Variants in SND1 observed in about 807,000 individuals in gnomAD.
SND1 encodes staphylococcal nuclease and tudor domain containing 1.
A neutral mutation model predicts 121.7 loss-of-function variants in SND1; 38 were observed. That is an observed-to-expected ratio of 0.31 (90% confidence interval 0.24 to 0.41). The LOEUF (loss-of-function observed/expected upper bound fraction) is 0.41. Among genes scored for constraint, SND1 ranks in the 10% least tolerant of loss-of-function variants. SND1 has a pLI of 1.00. For missense variants in SND1, 868 were observed against 1,184.6 expected, an observed-to-expected ratio of 0.73 and a Z score of 3.92; for synonymous variants, 401 against 447.4, an observed-to-expected ratio of 0.90 and a Z score of 1.31.
intron 16 of SND1, chr7:127,998,809 C>G (rs1239473509): frequency 1.3e-5 from 2 of 152,254 alleles, no homozygotes; most frequent in African/African-American, 4.8e-5. Flanking sequence ...CTTCCTCTAT[C>G]AGCTTTTAAC....
At chr7:127,874,354 A>T (rs1027232003) in intron 12 of SND1, among the ~76,000 whole-genome samples, 1 of 152,204 alleles carries the variant, frequency 6.6e-6, no homozygotes, top group Non-Finnish European at 1.5e-5. Context: ...TTTCAAACAC[A>T]TATTGAAAGA....
intron 11 of SND1, among the ~76,000 whole-genome samples, chr7:127,815,721 A>G (rs1472013126): frequency 6.6e-6 from 1 of 151,954 alleles, no homozygotes; most frequent in Admixed American, 6.5e-5. Flanking sequence ...CTACACCTTG[A>G]TTTTCAACTT....
At chr7:128,059,520 C>T (rs1399566268) in intron 16 of SND1, among the ~76,000 whole-genome samples, 3 of 152,218 alleles carry the variant, frequency 2.0e-5, no homozygotes, top group African/African-American at 7.2e-5. Context: ...TATACATGCA[C>T]GTTCTCTCAA....
intron 16 of SND1, among the ~76,000 whole-genome samples, chr7:128,067,071 T>C (rs940635552): frequency 1.6e-4 from 24 of 152,290 alleles, no homozygotes; most frequent in African/African-American, 5.5e-4. Flanking sequence ...CTGTTGCTTT[T>C]CATCTCTCCT....
chr7:127,781,576 T>C (rs747434049), intron 10 of SND1, among the ~76,000 whole-genome samples: 4 of 76,640 alleles, frequency 5.2e-5, no homozygotes, highest in Non-Finnish European at 8.4e-5. Context: ...AGAAACTTTT[T>C]TGTTCATTTG....
At chr7:127,659,549 A>G (rs1316422684) in intron 1 of SND1, among the ~76,000 whole-genome samples, 2 of 152,154 alleles carry the variant, frequency 1.3e-5, no homozygotes, top group African/African-American at 4.8e-5. Flanking sequence ...ACAAATTTTG[A>G]GGCTCTTTGG....
intron 12 of SND1, among the ~76,000 whole-genome samples, chr7:127,877,254 T>C (rs1799709072): frequency 6.6e-6 from 1 of 152,206 alleles, no homozygotes; most frequent in Admixed American, 6.5e-5. Flanking sequence ...GCATAACTAT[T>C]TGATATAACT....
chr7:127,737,931 T>G (rs937251123), intron 10 of SND1, among the ~76,000 whole-genome samples: 2 of 152,196 alleles, frequency 1.3e-5, no homozygotes, highest in African/African-American at 4.8e-5. Context: ...CAGTGTACTG[T>G]CTGTGTTCCA....
intron 12 of SND1, among the ~76,000 whole-genome samples, chr7:127,852,362 C>T (rs988662802): frequency 2.7e-5 from 4 of 149,806 alleles, no homozygotes; most frequent in Non-Finnish European, 5.9e-5. Context: ...GGTGTGGGCA[C>T]CTATAATCTC....
intron 1 of SND1, among the ~76,000 whole-genome samples, chr7:127,684,088 T>C (rs758186357): frequency 2.6e-5 from 4 of 152,186 alleles, no homozygotes; most frequent in Non-Finnish European, 4.4e-5. Context: ...CTTTCTGATA[T>C]TTAGAGATGA....
At chr7:127,699,489 T>C (rs751365412) in intron 4 of SND1, among the ~76,000 whole-genome samples, 6 of 152,214 alleles carry the variant, frequency 3.9e-5, no homozygotes, top group Non-Finnish European at 8.8e-5. Flanking sequence ...CCTCACTTGT[T>C]CTGTTTTCAG....
intron 12 of SND1, among the ~76,000 whole-genome samples, chr7:127,885,054 A>G (rs114503860): frequency 2.1e-3 from 321 of 152,222 alleles, no homozygotes; most frequent in Admixed American, 5.1e-3. Flanking sequence ...TTGAACTCTG[A>G]TACCTTGTAT....
chr7:127,661,174 T>C (rs1444839515), intron 1 of SND1, among the ~76,000 whole-genome samples: 2 of 152,188 alleles, frequency 1.3e-5, no homozygotes, highest in Non-Finnish European at 2.9e-5. Context: ...GACGCTTTGT[T>C]TTTAATTTGT....
chr7:128,083,570 A>G (rs1182792278), intron 18 of SND1, among the ~76,000 whole-genome samples: 1 of 152,242 alleles, frequency 6.6e-6, no homozygotes, highest in Non-Finnish European at 1.5e-5. Flanking sequence ...TGCATTGGGG[A>G]TTCTACCAGG....
At chr7:127,744,937 A>G (rs187191604) in intron 10 of SND1, among the ~76,000 whole-genome samples, 1 of 152,352 alleles carries the variant, frequency 6.6e-6, no homozygotes, top group East Asian at 1.9e-4. Flanking sequence ...GCATCTTGCA[A>G]ATTACATAAT....
At chr7:127,714,036 G>T (rs1004256050) in intron 9 of SND1, among the ~76,000 whole-genome samples, 4 of 151,906 alleles carry the variant, frequency 2.6e-5, no homozygotes, top group African/African-American at 9.7e-5. Flanking sequence ...CCTGCTGCTG[G>T]ATCCTTGGGC....
At chr7:127,652,499 G>T in intron 1 of SND1, 48 bp downstream of exon 1, 2 of 1,473,000 alleles carry the variant, frequency 1.4e-6, no homozygotes, top group Non-Finnish European at 1.8e-6. Context: ...CTTCGGGCGG[G>T]AGTCAGGCAT....
intron 10 of SND1, among the ~76,000 whole-genome samples, chr7:127,750,616 A>G (rs1037116168): frequency 6.6e-6 from 1 of 152,180 alleles, no homozygotes; most frequent in African/African-American, 2.4e-5. Flanking sequence ...GGATTTTTGA[A>G]TATTTGCATT....
At chr7:128,030,342 T>A in intron 16 of SND1, 1 of 1,613,900 alleles carries the variant, frequency 6.2e-7, no homozygotes, top group South Asian at 1.1e-5. Context: ...GACCTCCAGG[T>A]GGTGGAGGTG....
Sources: allele counts gnomAD v4.1 joint callset (sites outside exome capture counted in the v4.1 genomes callset), GRCh38; gene constraint gnomAD v4.1.1; transcripts MANE v1.5; gene names NCBI Gene and HGNC (gene_info 2026-07-23, HGNC 2026-07-21).